JARID2: variants seen among roughly 807,000 people sequenced by gnomAD.
JARID2 encodes the protein protein Jumonji.
In JARID2, 21 loss-of-function variants were observed where a neutral mutation model predicts 125.6. The ratio of observed to expected loss-of-function variants is 0.17; its 90% CI spans 0.12 to 0.24. JARID2 has a LOEUF of 0.24. JARID2 is among the 10% of genes least tolerant of loss of function. The pLI, the probability that JARID2 is intolerant of heterozygous loss-of-function variation, is 1.00. For synonymous variants in JARID2, 736 were observed against 661.6 expected, an observed-to-expected ratio of 1.11 and a Z score of -1.73; for missense variants, 1,303 against 1,639.6, an observed-to-expected ratio of 0.79 and a Z score of 3.55.
intron 1 of JARID2, among the ~76,000 whole-genome samples, chr6:15,273,625 T>A (rs1399010653): frequency 6.6e-6 from 1 of 152,184 alleles, no homozygotes. Flanking sequence ...CGCTTGAACC[T>A]GGGACTTGTG....
intron 4 of JARID2, among the ~76,000 whole-genome samples, chr6:15,460,704 G>GTT (rs1554139676): frequency 6.7e-6 from 1 of 149,996 alleles, no homozygotes; most frequent in Non-Finnish European, 1.5e-5. Flanking sequence ...TGTTGTTGTT[G>GTT]TTGTTTTGTT....
At chr6:15,344,495 CACTT>C (rs112031425) in intron 1 of JARID2, among the ~76,000 whole-genome samples, 4,185 of 151,710 alleles carry the variant, frequency 0.028, 197 homozygotes, top group African/African-American at 0.094. Context: ...TGCTATGTCT[CACTT>C]ACCATATACA....
At chr6:15,363,736 C>T (rs1395977009) in intron 1 of JARID2, among the ~76,000 whole-genome samples, 1 of 150,610 alleles carries the variant, frequency 6.6e-6, no homozygotes, top group Non-Finnish European at 1.5e-5. Context: ...ATGTGTGTGC[C>T]CTGTCGCTTG....
intron 1 of JARID2, among the ~76,000 whole-genome samples, chr6:15,368,430 T>C (rs997395099): frequency 4.6e-5 from 7 of 152,216 alleles, no homozygotes; most frequent in Admixed American, 3.3e-4. Flanking sequence ...TATAGTTAAC[T>C]GCAAACTCAT....
intron 1 of JARID2, among the ~76,000 whole-genome samples, chr6:15,255,846 T>C (rs1409283252): frequency 6.6e-6 from 1 of 152,214 alleles, no homozygotes; most frequent in Non-Finnish European, 1.5e-5. Context: ...TTATTACTGC[T>C]ACTAAATGGA....
chr6:15,354,835 G>A (rs560898642), intron 1 of JARID2, among the ~76,000 whole-genome samples: 2 of 152,342 alleles, frequency 1.3e-5, no homozygotes, highest in East Asian at 1.9e-4. Context: ...GAATGTTAAA[G>A]GAGTTCCTTA....
intron 1 of JARID2, among the ~76,000 whole-genome samples, chr6:15,350,829 A>AC (rs1411180775): frequency 6.7e-6 from 1 of 150,162 alleles, no homozygotes; most frequent in Non-Finnish European, 1.5e-5. Context: ...GGGAGGAATG[A>AC]CCAAAATTTC....
At chr6:15,451,922 T>G (rs563963746) in intron 3 of JARID2, 84 bp from the exon 4 acceptor site, 5 of 1,314,132 alleles carry the variant, frequency 3.8e-6, no homozygotes, top group East Asian at 4.9e-5. Context: ...TTTCCCCTTA[T>G]GTGTCATGAT....
chr6:15,312,352 C>T (rs955093160), intron 1 of JARID2, among the ~76,000 whole-genome samples: 1 of 152,224 alleles, frequency 6.6e-6, no homozygotes, highest in African/African-American at 2.4e-5. Context: ...CATGCCCGGC[C>T]TCAGTTTGGA....
chr6:15,443,069 C>T (rs1016636648), intron 3 of JARID2, among the ~76,000 whole-genome samples: 2 of 151,550 alleles, frequency 1.3e-5, no homozygotes, highest in African/African-American at 4.9e-5. Context: ...TCCTACCCCC[C>T]TAATCCTTCC....
intron 1 of JARID2, among the ~76,000 whole-genome samples, chr6:15,278,850 C>T (rs1489580678): frequency 6.6e-6 from 1 of 152,212 alleles, no homozygotes; most frequent in East Asian, 1.9e-4. Flanking sequence ...GGGCAGATCA[C>T]TTGAGGTCAG....
chr6:15,367,607 A>G (rs1032306135), intron 1 of JARID2, among the ~76,000 whole-genome samples: 11 of 152,222 alleles, frequency 7.2e-5, no homozygotes, highest in South Asian at 2.1e-4. Context: ...CTGACTACCA[A>G]TGCCACATTT....
intron 1 of JARID2, among the ~76,000 whole-genome samples, chr6:15,365,067 ATAAAT>A (rs1442828258): frequency 6.6e-6 from 1 of 152,232 alleles, no homozygotes; most frequent in South Asian, 2.1e-4. Flanking sequence ...TTCTTTGTAA[ATAAAT>A]TAACATAAAT....
intron 1 of JARID2, among the ~76,000 whole-genome samples, chr6:15,246,870 G>C (rs1759199812): frequency 6.6e-6 from 1 of 152,132 alleles, no homozygotes; most frequent in African/African-American, 2.4e-5. Context: ...AGCTTGAGGT[G>C]GGGGGTGGCT....
At chr6:15,413,260 ACCTCGG>A (rs1369803390) in intron 3 of JARID2, among the ~76,000 whole-genome samples, 1 of 151,882 alleles carries the variant, frequency 6.6e-6, no homozygotes, top group Non-Finnish European at 1.5e-5. Flanking sequence ...TGACCCGCCC[ACCTCGG>A]CCTCCCAAAG....
intron 1 of JARID2, among the ~76,000 whole-genome samples, chr6:15,251,807 G>A (rs550992517): frequency 3.3e-5 from 5 of 152,180 alleles, no homozygotes; most frequent in African/African-American, 4.8e-5. Flanking sequence ...GTGAAACCCC[G>A]TCTCTACTAA....
intron 6 of JARID2, among the ~76,000 whole-genome samples, chr6:15,491,655 C>T (rs1770157469): frequency 6.6e-6 from 1 of 152,168 alleles, no homozygotes; most frequent in South Asian, 2.1e-4. Context: ...AACATTTTTG[C>T]TTAGTTAACC....
At chr6:15,480,609 G>A (rs565538440) in intron 5 of JARID2, among the ~76,000 whole-genome samples, 33 of 152,302 alleles carry the variant, frequency 2.2e-4, no homozygotes, top group African/African-American at 7.9e-4. Flanking sequence ...TTTTTCACAT[G>A]TGGATCTTTG....
chr6:15,315,851 T>G (rs1762162490), intron 1 of JARID2, among the ~76,000 whole-genome samples: 1 of 152,168 alleles, frequency 6.6e-6, no homozygotes, highest in Non-Finnish European at 1.5e-5. Flanking sequence ...GTTGAGTACG[T>G]TCATTAGTGA....
Sources: allele counts gnomAD v4.1 joint callset (sites outside exome capture counted in the v4.1 genomes callset), GRCh38; gene constraint gnomAD v4.1.1; transcripts MANE v1.5; gene names NCBI Gene and HGNC (gene_info 2026-07-23, HGNC 2026-07-21).